IRF8: variants seen among roughly 807,000 people sequenced by gnomAD.
IRF8 encodes the protein interferon regulatory factor 8.
In IRF8, 14 loss-of-function variants were observed where a neutral mutation model predicts 48.7. The ratio of observed to expected loss-of-function variants is 0.29; its 90% confidence interval spans 0.19 to 0.45. The LOEUF is 0.45. Ranked by LOEUF, IRF8 falls within the 20% of genes least tolerant of loss-of-function variation. The pLI is 1.00. For missense variants in IRF8, 493 were observed against 580.7 expected (o/e 0.85, Z 1.55); for synonymous variants, 278 against 227.3 (o/e 1.22, Z -2.01).
rs768509349 is a variant in IRF8, at chr16:85,913,949, G to A, written c.554-524G>A. On this transcript the variant is annotated intron_variant, in intron 5 of 8. Coordinates refer to ENST00000268638, the MANE Select transcript of IRF8 (RefSeq NM_002163.4). ...GAATGTGTTTGCTTCCTCCCTCGGC[G>A]TCTTCCCCCTAGCCCTACATCCCCT... is the stretch of plus-strand genomic sequence containing the variant. The A allele has an allele frequency of 6.8e-5, 12 of 176,780 alleles. 1 individual carries two copies. Among genetic ancestry groups the A allele is most frequent in the Non-Finnish European group, 1.1e-4 (9 of 81,988 alleles). The allele number at this position is 176,780 out of a possible 1,614,324, so 11.0% of individuals were successfully genotyped here.
rs187929920 is a variant in IRF8 at position 85,922,281 on chromosome 16, C to T, written c.*999C>T. On this transcript the variant is annotated 3_prime_UTR_variant, in exon 9 of 9. Transcript: ENST00000268638. ...TTTAAAATCTGAAAAGCCAGATATGCCTGTTTCCTTTTCCCAGCACCATGC... is the reference window on the plus strand; with the variant it reads ...TTTAAAATCTGAAAAGCCAGATATGTCTGTTTCCTTTTCCCAGCACCATGC... 1.3e-5 allele frequency: 2 copies of T among 152,482 alleles called. No homozygotes were observed. The highest frequency in any genetic ancestry group is 4.8e-5 in the African/African-American group (2 of 41,582). 9.4% of individuals were successfully genotyped at this position (152,482 alleles called of 1,614,324 possible).
At position 85,913,202 on chromosome 16, in the gene IRF8, C is replaced by G; in HGVS notation, c.519C>G (p.Leu173=). The change falls in exon 5 of 9, where the codon CTC becomes CTG. Residue 173 remains leucine (L), a synonymous_variant. Transcript: ENST00000268638. ...CGCCGGAGGCCTGTCGGAGTCAGCT[C>G]CTTCCAGACTGGTGGGCGCAGCAGC... ...PSPPEACRSQ[L]LPDWWAQQPS... 1 of 1,614,114 alleles carries G rather than the reference C, an allele frequency of 6.2e-7. No homozygotes were observed. The highest frequency in any genetic ancestry group is 8.5e-7 in the Non-Finnish European group (1 of 1,179,970).
At position 85,921,458 on chromosome 16, in the gene IRF8, A is replaced by G; in HGVS notation, c.*176A>G. 5.6e-6 allele frequency: 4 copies of G among 715,868 alleles called. No homozygotes were observed. Among genetic ancestry groups the G allele is most frequent in the Non-Finnish European group, 7.2e-6 (3 of 415,262 alleles). 44.3% of individuals were successfully genotyped at this position (715,868 alleles called of 1,614,324 possible). On this transcript the variant is annotated 3_prime_UTR_variant, in exon 9 of 9. Coordinates refer to ENST00000268638, the MANE Select transcript of IRF8 (RefSeq NM_002163.4). ...TAGACGTTTAATACGAAGTGGCGGCATAGCCCTGCCGAGATGTCGGTGATG... is the reference window on the plus strand; with the variant it reads ...TAGACGTTTAATACGAAGTGGCGGCGTAGCCCTGCCGAGATGTCGGTGATG...
chr16:85,918,643 C>T lies in IRF8; in HGVS notation c.828C>T (p.Arg276=), dbSNP rs770113596. 25 of 1,609,164 alleles carry T rather than the reference C, an allele frequency of 1.6e-5. No individual in the cohort carries two copies. Among genetic ancestry groups the T allele is most frequent in the Middle Eastern group, 1.7e-4 (1 of 6,012 alleles). The change falls in exon 7 of 9, where the codon CGC becomes CGT. Residue 276 remains arginine (R), a synonymous_variant. Transcript: ENST00000268638. ...GGAAGCTGTTCGGGCACCTGGAGCG[C>T]GGGGTGCTGCTGCACAGCAGCCGGC... is the stretch of plus-strand genomic sequence containing the variant. ...VTRKLFGHLE[R]GVLLHSSRQG...
At chr16:85,901,670 G>T (rs1237820378) in intron 1 of IRF8, among the ~76,000 whole-genome samples, 1 of 152,132 alleles carries the variant, frequency 6.6e-6, no homozygotes, top group Non-Finnish European at 1.5e-5. Flanking sequence ...ACGCACAACT[G>T]AGGTTGTTGG....
At chr16:85,911,425 A>T (rs2292981) in intron 3 of IRF8, 145 bp from the exon 4 acceptor site, 1 of 716,212 alleles carries the variant, frequency 1.4e-6, no homozygotes, top group East Asian at 2.9e-5. Flanking sequence ...ATGGGAAAAA[A>T]ATTCTGTGCC....
intron 6 of IRF8, among the ~76,000 whole-genome samples, chr16:85,915,363 G>T (rs903354895): frequency 1.3e-5 from 2 of 152,242 alleles, no homozygotes; most frequent in Non-Finnish European, 2.9e-5. Context: ...GGGCCTCTGG[G>T]CAGGGGAGGA....
chr16:85,914,035 G>A (rs1210802612), intron 5 of IRF8: 4 of 234,764 alleles, frequency 1.7e-5, no homozygotes, highest in Non-Finnish European at 2.6e-5. Flanking sequence ...GGCCTTGGGT[G>A]TCGAGTAAGA....
chr16:85,914,521 G>A lies in IRF8; in HGVS notation c.601+1G>A, dbSNP rs367667456. On this transcript the variant is annotated splice_donor_variant, in intron 6 of 8. Coordinates refer to ENST00000268638, the MANE Select transcript of IRF8 (RefSeq NM_002163.4). LOFTEE classifies it high-confidence loss of function. ...ACCACCTACGACGCGCACCATTCAG[G>A]TACGGGGTGGTCCGGGCTGAGAGGG... 6.2e-7 allele frequency: 1 copy of A among 1,614,092 alleles called. No homozygotes were observed. Among genetic ancestry groups the A allele is most frequent in the Non-Finnish European group, 8.5e-7 (1 of 1,180,026 alleles).
intron 6 of IRF8, 121 bp downstream of exon 6, chr16:85,914,641 G>C: frequency 8.8e-7 from 1 of 1,140,894 alleles, no homozygotes; most frequent in Non-Finnish European, 1.3e-6. Flanking sequence ...TCTAGGCCTG[G>C]TTCCAAGGAT....
intron 1 of IRF8, among the ~76,000 whole-genome samples, chr16:85,899,539 C>T (rs907455340): frequency 1.3e-5 from 2 of 152,316 alleles, no homozygotes; most frequent in South Asian, 2.1e-4. Flanking sequence ...ACGGCAATAG[C>T]AACCCCCTAT....
In IRF8 at chr16:85,920,202, G is replaced by C; in HGVS notation, c.1082G>C (p.Arg361Pro). ...GEEFPDMAPL[R>P]SKLILVQIEQ... ...GAGTTTCCGGATATGGCCCCCTTGC[G>C]CTCCAAACTCATTCTCGTGCAGGTA... The change falls in exon 8 of 9, where the codon CGC becomes CCC. Residue 361 changes from arginine (R) to proline (P), a missense_variant. By Grantham distance (103) the Arg-to-Pro change is moderately radical. Coordinates refer to ENST00000268638, the MANE Select transcript of IRF8 (RefSeq NM_002163.4). 4 of 1,602,842 alleles carry C rather than the reference G, an allele frequency of 2.5e-6. No individual in the cohort carries two copies. Among genetic ancestry groups the C allele is most frequent in the Non-Finnish European group, 2.6e-6 (3 of 1,171,262 alleles).
At chr16:85,911,864 C>A (rs1430108393) in intron 4 of IRF8, among the ~76,000 whole-genome samples, 1 of 152,246 alleles carries the variant, frequency 6.6e-6, no homozygotes. Context: ...CAGGTCAACC[C>A]CTCACGCCAG....
At chr16:85,906,142 A>G (rs1904994672) in intron 2 of IRF8, among the ~76,000 whole-genome samples, 1 of 152,264 alleles carries the variant, frequency 6.6e-6, no homozygotes, top group South Asian at 2.1e-4. Context: ...AAGCTCACTT[A>G]GTAGCACAGA....
intron 3 of IRF8, among the ~76,000 whole-genome samples, chr16:85,910,883 TG>T (rs1905122980): frequency 6.6e-6 from 1 of 152,206 alleles, no homozygotes. Flanking sequence ...AATGAATTTT[TG>T]TAAGTGTTGG....
At chr16:85,918,069 A>G (rs1034059087) in intron 6 of IRF8, among the ~76,000 whole-genome samples, 1 of 152,204 alleles carries the variant, frequency 6.6e-6, no homozygotes, top group African/African-American at 2.4e-5. Flanking sequence ...GAGTATTGTC[A>G]TAAGAAATGA....
chr16:85,911,712 C>G, intron 4 of IRF8, 54 bp downstream of exon 4: 1 of 1,496,296 alleles, frequency 6.7e-7, no homozygotes, highest in Non-Finnish European at 9.3e-7. Flanking sequence ...AGTCTCATGT[C>G]TTCTGGCAGG....
chr16:85,914,070 T>C (rs1905224138), intron 5 of IRF8: 1 of 277,006 alleles, frequency 3.6e-6, no homozygotes, highest in African/African-American at 2.2e-5. Flanking sequence ...CACCTCTGTC[T>C]GTGCTGCAGG....
intron 3 of IRF8, chr16:85,909,978 G>C (rs1403086282): frequency 1.3e-5 from 2 of 152,240 alleles, no homozygotes; most frequent in Non-Finnish European, 2.9e-5. Flanking sequence ...CTAAGCTTCT[G>C]AGTAGTCCAC....
Sources: gnomAD v4.1 joint callset for allele counts (sites outside exome capture counted in the v4.1 genomes callset) on GRCh38, gnomAD v4.1.1 for gene constraint, MANE v1.5 for transcripts, NCBI Gene and HGNC (gene_info 2026-07-23, HGNC 2026-07-21) for gene names.